The following JAZF1 variants were observed in gnomAD, a reference collection of about 807,000 sequenced individuals.
JAZF1 encodes the protein juxtaposed with another zinc finger protein 1.
Under a neutral mutation model 26.4 loss-of-function variants are expected in JAZF1, and 8 were observed. The observed-to-expected ratio is 0.30, with a 90% CI of 0.18 to 0.55. JAZF1 has a LOEUF of 0.55. Ranked by LOEUF, JAZF1 falls within the 20% of genes least tolerant of loss-of-function variation. The probability of loss-of-function intolerance (pLI) is 0.94; values close to 1 mark genes in which losing one functional copy is unlikely to be tolerated. For missense variants in JAZF1, 199 were observed against 322.0 expected, an observed-to-expected ratio of 0.62 and a Z score of 2.92; for synonymous variants, 126 against 122.3, an observed-to-expected ratio of 1.03 and a Z score of -0.20.
intron 1 of JAZF1, among the ~76,000 whole-genome samples, chr7:28,082,029 C>T (rs1159185567): frequency 6.6e-6 from 1 of 152,120 alleles, no homozygotes; most frequent in Non-Finnish European, 1.5e-5. Context: ...CCTAAAAATG[C>T]TACATTCTGC....
At chr7:28,035,340 A>AAAAAAAAAAAAAAAAAAAAAAAG (rs1562565710) in intron 1 of JAZF1, among the ~76,000 whole-genome samples, 1 of 145,318 alleles carries the variant, frequency 6.9e-6, no homozygotes, top group East Asian at 2.1e-4. Context: ...AAAAAAAAAA[A>AAAAAAAAAAAAAAAAAAAAAAAG]AAAGAAAGAA....
intron 2 of JAZF1, among the ~76,000 whole-genome samples, chr7:27,910,798 A>G (rs1407468837): frequency 6.6e-6 from 1 of 152,084 alleles, no homozygotes; most frequent in Non-Finnish European, 1.5e-5. Flanking sequence ...CACCCGGGCC[A>G]TTTTTGGTGA....
rs570106308 is a variant in JAZF1 at position 28,138,519 on chromosome 7, T to C, written c.115+41944A>G. On this transcript the variant is annotated intron_variant, in intron 1 of 4. Transcript: ENST00000283928. ...TATTCTGATTCTCAGAATGCTTCGC[T>C]GTTCACCTGTTGCCAGCTTCTTTTG... Among the ~76,000 whole-genome samples the C allele has an allele frequency of 2.0e-5, 3 of 152,366 alleles. No homozygotes were observed. The South Asian group carries it at 6.2e-4, about 32-fold the overall frequency.
rs369995484 is a variant in JAZF1, at chr7:27,996,348, T to A, written c.116-4367A>T. Among the ~76,000 whole-genome samples, 3 of 152,216 alleles carry A rather than the reference T, an allele frequency of 2.0e-5. No individual in the cohort carries two copies. The South Asian group carries it at 6.2e-4, about 31-fold the overall frequency. The stretch of plus-strand genomic sequence containing the variant: ...GGGGAAGATGTGATATCACGCCGTT[T>A]GAGAACTTGTTCAAATTCGATATCC... On this transcript the variant is annotated intron_variant, in intron 1 of 4. Transcript: ENST00000283928.
At chr7:27,989,978 T>G (rs1259277950) in intron 2 of JAZF1, among the ~76,000 whole-genome samples, 1 of 152,194 alleles carries the variant, frequency 6.6e-6, no homozygotes, top group Non-Finnish European at 1.5e-5. Context: ...TAAAGACACA[T>G]GCACATGTAT....
In JAZF1 at chr7:28,157,362, C is replaced by A. The variant is rs146082313; in HGVS notation, c.115+23101G>T. ...ATATTTTTGGCTTTGTGGGCCCTAT[C>A]AGCTCTATCACAATTATTCAACTCT... On this transcript the variant is annotated intron_variant, in intron 1 of 4. Transcript: ENST00000283928. 5.3e-3 allele frequency among the ~76,000 whole-genome samples: 808 copies of A among 152,350 alleles called. 1 individual carries two copies. The highest frequency in any genetic ancestry group is 9.3e-3 in the Admixed American group (143 of 15,312).
chr7:28,017,048 A>C (rs747454245), intron 1 of JAZF1, among the ~76,000 whole-genome samples: 10 of 152,184 alleles, frequency 6.6e-5, no homozygotes, highest in African/African-American at 9.7e-5. Flanking sequence ...ACTGGCACTT[A>C]GGTTAAATAT....
At chr7:27,849,571 G>C (rs1003054656) in intron 3 of JAZF1, among the ~76,000 whole-genome samples, 1 of 152,102 alleles carries the variant, frequency 6.6e-6, no homozygotes, top group African/African-American at 2.4e-5. Flanking sequence ...GACAGCAGCC[G>C]AAAGGGGCCT....
chr7:28,128,024 T>C (rs1195941825), intron 1 of JAZF1, among the ~76,000 whole-genome samples: 1 of 152,102 alleles, frequency 6.6e-6, no homozygotes, highest in Non-Finnish European at 1.5e-5. Context: ...ACCATTTCGG[T>C]GGCCTACCAC....
chr7:28,045,276 T>C lies in JAZF1; in HGVS notation c.116-53295A>G, dbSNP rs117183674. Among the ~76,000 whole-genome samples the C allele has an allele frequency of 5.2e-3, 785 of 152,252 alleles. 3 individuals are homozygous for C. The highest frequency in any genetic ancestry group is 0.014 in the Middle Eastern group (4 of 294). ...CCTAAAATCCAAAATATGCTTTCTT[T>C]GGACAGTATCTGGGCTACTTTCTTC... On this transcript the variant is annotated intron_variant, in intron 1 of 4. Transcript: ENST00000283928.
chr7:27,834,113 T>C (rs1376289796), intron 4 of JAZF1, among the ~76,000 whole-genome samples: 4 of 152,100 alleles, frequency 2.6e-5, no homozygotes, highest in East Asian at 1.9e-4. Flanking sequence ...CCAACACAAA[T>C]TGTTCCCACT....
intron 1 of JAZF1, among the ~76,000 whole-genome samples, chr7:28,130,038 A>C (rs1782765174): frequency 6.6e-6 from 1 of 152,198 alleles, no homozygotes; most frequent in African/African-American, 2.4e-5. Context: ...TGTAACCAGC[A>C]CATAAATACA....
intron 1 of JAZF1, among the ~76,000 whole-genome samples, chr7:28,045,882 T>A (rs530949946): frequency 4.6e-4 from 70 of 152,344 alleles, no homozygotes; most frequent in Non-Finnish European, 9.4e-4. Flanking sequence ...CCTGTTTTTA[T>A]TGCTTGTTTA....
chr7:28,020,043 T>C (rs917751890), intron 1 of JAZF1, among the ~76,000 whole-genome samples: 60 of 152,330 alleles, frequency 3.9e-4, no homozygotes, highest in African/African-American at 1.4e-3. Flanking sequence ...TGTTCTGCCC[T>C]GAACACCACT....
chr7:27,834,015 GCA>G (rs1203071506), intron 4 of JAZF1, among the ~76,000 whole-genome samples: 1 of 152,186 alleles, frequency 6.6e-6, no homozygotes, highest in African/African-American at 2.4e-5. Flanking sequence ...GAAACAAAAA[GCA>G]CAGATTTTAG....
At chr7:28,137,299 C>A (rs192645646) in intron 1 of JAZF1, among the ~76,000 whole-genome samples, 1 of 152,150 alleles carries the variant, frequency 6.6e-6, no homozygotes, top group African/African-American at 2.4e-5. Flanking sequence ...CCACTCTCAC[C>A]GCTGTGAAAA....
intron 3 of JAZF1, among the ~76,000 whole-genome samples, chr7:27,856,352 G>A (rs997949314): frequency 3.3e-5 from 5 of 152,246 alleles, no homozygotes; most frequent in African/African-American, 1.2e-4. Context: ...CACAGTGAGT[G>A]TTACAGCTCA....
chr7:28,062,842 T>C (rs1328288927), intron 1 of JAZF1, among the ~76,000 whole-genome samples: 1 of 152,228 alleles, frequency 6.6e-6, no homozygotes, highest in South Asian at 2.1e-4. Flanking sequence ...TTTGTGGTTT[T>C]TGTCTCCTCG....
chr7:27,981,257 G>A (rs995925825), intron 2 of JAZF1, among the ~76,000 whole-genome samples: 1 of 152,154 alleles, frequency 6.6e-6, no homozygotes, highest in African/African-American at 2.4e-5. Context: ...CTAATTTACA[G>A]TAAATACAGA....
Sources: gnomAD v4.1 joint callset for allele counts (sites outside exome capture counted in the v4.1 genomes callset) on GRCh38, gnomAD v4.1.1 for gene constraint, MANE v1.5 for transcripts, NCBI Gene and HGNC (gene_info 2026-07-23, HGNC 2026-07-21) for gene names.